Variants in POLRMT observed in about 807,000 individuals in gnomAD.
The protein encoded by POLRMT is RNA polymerase mitochondrial, also known as DNA-directed RNA polymerase, mitochondrial.
POLRMT carries 114 observed loss-of-function variants against 132.2 expected under a neutral mutation model. That is an observed-to-expected ratio of 0.86 (90% CI 0.74 to 1.01). The LOEUF (loss-of-function observed/expected upper bound fraction) is 1.01, where lower values mean the gene tolerates loss of function less well. POLRMT is among the 50% of genes least tolerant of loss of function. The pLI is 0.00. For synonymous variants in POLRMT, 1,020 were observed against 773.4 expected (o/e 1.32, Z -5.29); for missense variants, 2,003 against 1,729.1 (o/e 1.16, Z -2.81).
chr19:620,907 G>A (rs1600565840), intron 10 of POLRMT, 151 bp downstream of exon 10: 2 of 136,074 alleles, frequency 1.5e-5, no homozygotes, highest in Non-Finnish European at 2.3e-5. Context: ...AGGGGGAGGG[G>A]AGGAGGAAGA....
chr19:621,930 G>C (rs947501732), intron 9 of POLRMT, 84 bp from the exon 10 acceptor site: 7 of 1,469,880 alleles, frequency 4.8e-6, no homozygotes, highest in Non-Finnish European at 5.5e-6. Context: ...GAGAGGGGCC[G>C]GCTCCCCGGC....
Position 617,768 on chromosome 19 carries a change from C to A in POLRMT, c.3495+9G>T, listed in dbSNP as rs377569522. ...CATGGGTGGACTGAGGCTCAGACTA[C>A]GGGGGCACCTGGTTCATGACGGAGA... On this transcript the variant is annotated intron_variant, in intron 18 of 20. Coordinates refer to ENST00000588649, the MANE Select transcript of POLRMT (RefSeq NM_005035.4). 1.9e-6 allele frequency: 3 copies of A among 1,613,098 alleles called. No homozygotes were observed. In the Admixed American group the frequency reaches 5.0e-5, roughly 27 times the overall value.
chr19:620,874 G>A (rs1239110563), intron 10 of POLRMT, among the ~76,000 whole-genome samples, 184 bp downstream of exon 10: 1 of 80,166 alleles, frequency 1.2e-5, no homozygotes, highest in Non-Finnish European at 2.5e-5. Context: ...GAGAGCGGGC[G>A]GGGGACGTGG....
chr19:617,235 A>G lies in POLRMT; in HGVS notation c.*39T>C, dbSNP rs973195184. On this transcript the variant is annotated 3_prime_UTR_variant, in exon 21 of 21. Transcript: ENST00000588649. ...AAGACAGTGGCTCCTGGGGGTGGCAAAAGAGCTTTATTTACACACTGACAA... is the reference window on the plus strand; with the variant it reads ...AAGACAGTGGCTCCTGGGGGTGGCAGAAGAGCTTTATTTACACACTGACAA... 4 of 1,609,776 alleles carry G rather than the reference A, an allele frequency of 2.5e-6. No homozygotes were observed. The African/African-American group carries it at 5.3e-5, about 22-fold the overall frequency.
In POLRMT at chr19:617,474, C is replaced by T. The variant is rs1984069156; in HGVS notation, c.3588G>A (p.Gln1196=). ...FLVKRFCSEP[Q]KILEASQLKE... ...TCAGCTGGCTGGCCTCCAAGATCTT[C>T]TGGGGCCTGGGGTTGGAAGCAGGGT... is the stretch of plus-strand genomic sequence containing the variant. The change falls in exon 20 of 21, where the codon CAG becomes CAA. Residue 1196 remains glutamine, a synonymous_variant. Transcript: ENST00000588649. The T allele has an allele frequency of 6.4e-7, 1 of 1,554,372 alleles. No homozygotes were observed. Among genetic ancestry groups the T allele is most frequent in the Non-Finnish European group, 8.7e-7 (1 of 1,146,166 alleles).
rs1335506198 is a variant in POLRMT at position 619,090 on chromosome 19, G to A, written c.3174C>T (p.Ala1058=). The A allele has an allele frequency of 1.2e-6, 2 of 1,611,344 alleles. No homozygotes were observed. Among genetic ancestry groups the A allele is most frequent in the East Asian group, 2.2e-5 (1 of 44,864 alleles). The part of the protein sequence containing the change: ...RAIQHWLTES[A]RLISHMGSVV... The stretch of plus-strand genomic sequence containing the variant: ...CAGAGCCCATGTGGGAGATGAGGCG[G>A]GCACTCTCGGTCAGCCAGTGCTGTG... The change falls in exon 15 of 21, where the codon GCC becomes GCT. Residue 1058 remains alanine, a synonymous_variant. Coordinates refer to ENST00000588649, the MANE Select transcript of POLRMT (RefSeq NM_005035.4).
chr19:617,619 G>C lies in POLRMT; in HGVS notation c.3532C>G (p.Pro1178Ala), dbSNP rs775657210. 7 of 1,612,246 alleles carry C rather than the reference G, an allele frequency of 4.3e-6. No individual in the cohort carries two copies. Among genetic ancestry groups the C allele is most frequent in the Non-Finnish European group, 5.9e-6 (7 of 1,179,984 alleles). The change falls in exon 19 of 21, where the codon CCC (proline) becomes GCC (alanine). Residue 1178 changes from proline to alanine, a missense_variant. Coordinates refer to ENST00000588649, the MANE Select transcript of POLRMT (RefSeq NM_005035.4). Reference protein sequence around the residue: ...REQFVRLHSEPILQDLSRFLV... With the variant: ...REQFVRLHSEAILQDLSRFLV... ...AATCTGGACAGGTCCTGCAGGATGGGCTCGCTGTGCAAGCGGACAAACTGC... is the reference window on the plus strand; with the variant it reads ...AATCTGGACAGGTCCTGCAGGATGGCCTCGCTGTGCAAGCGGACAAACTGC...
chr19:626,865 T>C (rs1159772440), intron 3 of POLRMT, among the ~76,000 whole-genome samples: 2 of 141,398 alleles, frequency 1.4e-5, no homozygotes, highest in Non-Finnish European at 3.0e-5. Flanking sequence ...TCGACAGACT[T>C]GGAGACTCTG....
At chr19:618,906 TG>T (rs1411630631) in intron 15 of POLRMT, 90 bp downstream of exon 15, 39 of 1,351,762 alleles carry the variant, frequency 2.9e-5, no homozygotes, top group Non-Finnish European at 3.9e-5. Context: ...GGTGGTACAC[TG>T]GGGTGGTGGT....
intron 3 of POLRMT, among the ~76,000 whole-genome samples, chr19:627,149 T>A (rs891277906): frequency 1.5e-5 from 1 of 68,510 alleles, no homozygotes; most frequent in Non-Finnish European, 2.7e-5. Flanking sequence ...TTTTGGGGCA[T>A]TTTTTTTTTT....
intron 16 of POLRMT, 44 bp from the exon 17 acceptor site, chr19:618,630 C>G (rs376457945): frequency 1.3e-6 from 2 of 1,599,258 alleles, no homozygotes; most frequent in Admixed American, 1.7e-5. Flanking sequence ...CAGGGACACC[C>G]CTAACTGGCC....
rs201157145 is a variant in POLRMT, at chr19:630,081, C to G, written c.281G>C (p.Cys94Ser). 1.1e-5 allele frequency: 17 copies of G among 1,613,712 alleles called. No individual in the cohort carries two copies. In the African/African-American group the frequency reaches 1.9e-4, roughly 18 times the overall value. The change falls in exon 3 of 21, where the codon TGT (cysteine) becomes TCT (serine). Residue 94 changes from cysteine to serine, a missense_variant. By Grantham distance (112) the Cys-to-Ser change is moderately radical. Transcript: ENST00000588649. ...NRVDVARLPECGSGDGSLQPP... is the reference protein window; with the variant it reads ...NRVDVARLPESGSGDGSLQPP... ...CTGGAGGCTACCATCTCCACTGCCA[C>G]ATTCTGGGAGCCGCGCCACATCCAC...
chr19:632,478 G>A (rs1384926688), intron 2 of POLRMT, among the ~76,000 whole-genome samples: 2 of 151,888 alleles, frequency 1.3e-5, no homozygotes, highest in East Asian at 3.9e-4. Context: ...AGCCAGGACA[G>A]CTGAGTCAGT....
intron 11 of POLRMT, 28 bp downstream of exon 11, chr19:620,337 C>A: frequency 6.5e-7 from 1 of 1,545,376 alleles, no homozygotes. Context: ...CACTGCACGG[C>A]CTCGGGGGCC....
chr19:630,670 C>T (rs1315389322), intron 2 of POLRMT, among the ~76,000 whole-genome samples: 1 of 152,160 alleles, frequency 6.6e-6, no homozygotes, highest in East Asian at 1.9e-4. Flanking sequence ...AGTTCGCACC[C>T]CGCCTCAGCA....
intron 5 of POLRMT, 145 bp from the exon 6 acceptor site, chr19:623,748 G>A (rs1001135229): frequency 1.9e-5 from 20 of 1,041,828 alleles, no homozygotes; most frequent in African/African-American, 6.5e-5. Context: ...GGCGGGCTGC[G>A]GGTAAAGTCA....
intron 4 of POLRMT, 35 bp downstream of exon 4, chr19:625,089 T>TGGTGGGG (rs750874058): frequency 5.9e-5 from 94 of 1,599,964 alleles, no homozygotes; most frequent in South Asian, 4.0e-4. Context: ...GGGAGGGACA[T>TGGTGGGG]GGTGGGGGGT....
chr19:631,183 C>A (rs781094065), intron 2 of POLRMT, among the ~76,000 whole-genome samples: 1 of 151,824 alleles, frequency 6.6e-6, no homozygotes, highest in Non-Finnish European at 1.5e-5. Flanking sequence ...TTGAAATAAG[C>A]CGGGTACAGG....
Position 625,268 on chromosome 19 carries a change from C to G in POLRMT, c.823-14G>C, listed in dbSNP as rs1984945150. 6.2e-7 allele frequency: 1 copy of G among 1,613,316 alleles called. No homozygotes were observed. ...CTTGAAGGCACCCTGGGAGACCAAGCCAGGGTGAGGGTCTGGGGGGATGGC... is the reference window on the plus strand; with the variant it reads ...CTTGAAGGCACCCTGGGAGACCAAGGCAGGGTGAGGGTCTGGGGGGATGGC... On this transcript the variant is annotated splice_polypyrimidine_tract_variant and intron_variant, in intron 3 of 20. Coordinates refer to ENST00000588649, the MANE Select transcript of POLRMT (RefSeq NM_005035.4).
Sources: gnomAD v4.1 joint callset for allele counts (sites outside exome capture counted in the v4.1 genomes callset) on GRCh38, gnomAD v4.1.1 for gene constraint, MANE v1.5 for transcripts, NCBI Gene and HGNC (gene_info 2026-07-23, HGNC 2026-07-21) for gene names.